FBLN5: variants seen among roughly 807,000 people sequenced by gnomAD.
FBLN5 encodes the protein fibulin 5, also known as fibulin-5.
FBLN5 carries 24 observed loss-of-function variants against 61.6 expected under a neutral mutation model. That is an observed-to-expected ratio of 0.39 (90% CI 0.28 to 0.55). The LOEUF (loss-of-function observed/expected upper bound fraction) is 0.55, where lower values mean the gene tolerates loss of function less well. Among genes scored for constraint, FBLN5 ranks in the 20% least tolerant of loss-of-function variants. FBLN5 has a pLI of 0.65. For missense variants in FBLN5, 470 were observed against 594.1 expected (o/e 0.79, Z 2.17); for synonymous variants, 213 against 219.8 (o/e 0.97, Z 0.27).
chr14:91,872,074 TG>T (rs1214081173), intron 10 of FBLN5, among the ~76,000 whole-genome samples: 15 of 151,984 alleles, frequency 9.9e-5, no homozygotes, highest in Admixed American at 6.5e-5. Context: ...AGGACCCAGG[TG>T]GGGGGGCCCT....
intron 1 of FBLN5, chr14:91,946,707 T>C (rs1286851683): frequency 6.5e-7 from 1 of 1,534,506 alleles, no homozygotes; most frequent in Non-Finnish European, 8.7e-7. Flanking sequence ...AAACATTTGC[T>C]TACATGTATC....
rs1410901256 is a variant in FBLN5 at position 91,882,031 on chromosome 14, C to T, written c.863-613G>A. On this transcript the variant is annotated intron_variant, in intron 8 of 10. Transcript: ENST00000342058. The surrounding 1 kb of genome is among the most constrained non-coding windows in gnomAD (Gnocchi z 4.9). ...AATTAGCCCGGCATGGTGGCATGTG[C>T]CTGTAGTCCCAGCTACTTGGGAGGC... is the stretch of plus-strand genomic sequence containing the variant. Among the ~76,000 whole-genome samples the T allele has an allele frequency of 1.3e-5, 2 of 151,300 alleles. No individual in the cohort carries two copies. Among genetic ancestry groups the T allele is most frequent in the Non-Finnish European group, 2.9e-5 (2 of 67,816 alleles).
intron 10 of FBLN5, among the ~76,000 whole-genome samples, chr14:91,876,670 C>T (rs1889177303): frequency 6.6e-6 from 1 of 151,992 alleles, no homozygotes; most frequent in Admixed American, 6.6e-5. Context: ...TGCTGGCGGC[C>T]CCCGGAAGCT....
chr14:91,903,790 T>C (rs1264253683), intron 4 of FBLN5, among the ~76,000 whole-genome samples: 1 of 152,214 alleles, frequency 6.6e-6, no homozygotes, highest in Non-Finnish European at 1.5e-5. Context: ...GCAGTTCTTC[T>C]GAAAATCTTG....
chr14:91,891,807 A>C (rs1324328289), intron 5 of FBLN5, among the ~76,000 whole-genome samples: 1 of 152,168 alleles, frequency 6.6e-6, no homozygotes, highest in Non-Finnish European at 1.5e-5. Flanking sequence ...TCTTCTTAAC[A>C]CGTAAGAAGA....
At chr14:91,904,594 C>T (rs1346807767) in intron 4 of FBLN5, among the ~76,000 whole-genome samples, 1 of 152,224 alleles carries the variant, frequency 6.6e-6, no homozygotes, top group Non-Finnish European at 1.5e-5. Flanking sequence ...TCTCCCAGTT[C>T]TCGAGGCTGG....
chr14:91,946,770 CACAA>C (rs1275506527), intron 1 of FBLN5: 5 of 1,535,972 alleles, frequency 3.3e-6, no homozygotes, highest in Admixed American at 3.9e-5. Flanking sequence ...GAGAATCCCA[CACAA>C]ACATAGAGCA....
rs60216411 is a variant in FBLN5, at chr14:91,895,797, C to CAAAA, written c.380-729_380-726dup. Among the ~76,000 whole-genome samples, 308 of 63,382 alleles carry CAAAA rather than the reference C, an allele frequency of 4.9e-3. 6 individuals are homozygous for CAAAA. Among genetic ancestry groups the CAAAA allele is most frequent in the African/African-American group, 9.5e-3 (135 of 14,202 alleles). 41.6% of individuals were successfully genotyped at this position (63,382 alleles called of 152,430 possible). On this transcript the variant is annotated intron_variant, in intron 4 of 10. Transcript: ENST00000342058. ...TGGGAGACAGAGTGAGACCCTGTCTCAAAAAAAAAAAAAAAAAAAAAAAAA... is the reference window on the plus strand; with the variant it reads ...TGGGAGACAGAGTGAGACCCTGTCTCAAAAAAAAAAAAAAAAAAAAAAAAAAAAA...
chr14:91,908,447 T>C (rs972153907), intron 4 of FBLN5, among the ~76,000 whole-genome samples: 1 of 152,216 alleles, frequency 6.6e-6, no homozygotes, highest in East Asian at 1.9e-4. Flanking sequence ...GTTTGGGGAC[T>C]TCTCAAAGGT....
intron 10 of FBLN5, 131 bp from the exon 11 acceptor site, chr14:91,870,516 T>C (rs1486154277): frequency 1.2e-6 from 1 of 865,240 alleles, no homozygotes; most frequent in Admixed American, 1.9e-5. Flanking sequence ...CCATGCTCTT[T>C]CCCTGGCTTT....
intron 5 of FBLN5, among the ~76,000 whole-genome samples, 156 bp downstream of exon 5, chr14:91,894,794 T>C (rs1890151020): frequency 6.6e-6 from 1 of 152,144 alleles, no homozygotes; most frequent in South Asian, 2.1e-4. Context: ...TCAAGGGTGG[T>C]TACACATGTG....
At chr14:91,914,121 T>C (rs1166175261) in intron 4 of FBLN5, among the ~76,000 whole-genome samples, 1 of 152,168 alleles carries the variant, frequency 6.6e-6, no homozygotes, top group Non-Finnish European at 1.5e-5. Context: ...GGCAGGCAGA[T>C]CACTTGAGCT....
At chr14:91,883,645 T>A (rs866046839) in intron 7 of FBLN5, among the ~76,000 whole-genome samples, 85 of 80,024 alleles carry the variant, frequency 1.1e-3, no homozygotes, top group Non-Finnish European at 1.1e-3. Flanking sequence ...CTTCACTGTG[T>A]AAAAAAAAAA....
Position 91,947,041 on chromosome 14 carries a change from A to G in FBLN5, c.17+172T>C. The G allele has an allele frequency of 6.5e-7, 1 of 1,535,026 alleles. No homozygotes were observed. Among genetic ancestry groups the G allele is most frequent in the Admixed American group, 2.1e-5 (1 of 48,434 alleles). ...TCCCAAAAGAACGCTTCAAGATGGA[A>G]ATTACAGAGGCGCAGCTTTTTATAA... On this transcript the variant is annotated intron_variant, in intron 1 of 10. Coordinates refer to ENST00000342058, the MANE Select transcript of FBLN5 (RefSeq NM_006329.4). This position sits in a 1 kb window ranked among gnomAD's most constrained non-coding sequence, Gnocchi z 4.3.
At chr14:91,909,395 T>A (rs1890824757) in intron 4 of FBLN5, among the ~76,000 whole-genome samples, 1 of 152,188 alleles carries the variant, frequency 6.6e-6, no homozygotes, top group Non-Finnish European at 1.5e-5. Flanking sequence ...ACCCAGTCAC[T>A]CACCTCATAA....
intron 9 of FBLN5, among the ~76,000 whole-genome samples, chr14:91,880,388 C>A (rs1340041486): frequency 6.6e-6 from 1 of 152,178 alleles, no homozygotes; most frequent in Non-Finnish European, 1.5e-5. Flanking sequence ...CCCCATGTAT[C>A]CAGAACAAAG....
chr14:91,943,665 G>A lies in FBLN5; in HGVS notation c.18-704C>T, dbSNP rs1052489552. On this transcript the variant is annotated intron_variant, in intron 1 of 10. Coordinates refer to ENST00000342058, the MANE Select transcript of FBLN5 (RefSeq NM_006329.4). This position sits in a 1 kb window ranked among gnomAD's most constrained non-coding sequence, Gnocchi z 4.0. ...ATCATCATGCCCTCAAACAGTGAAAGGAAAAGAAAGTGAGAATGTGAGGCA... is the reference window on the plus strand; with the variant it reads ...ATCATCATGCCCTCAAACAGTGAAAAGAAAAGAAAGTGAGAATGTGAGGCA... 3.3e-5 allele frequency among the ~76,000 whole-genome samples: 5 copies of A among 152,172 alleles called. No individual in the cohort carries two copies. The highest frequency in any genetic ancestry group is 4.8e-5 in the African/African-American group (2 of 41,440).
intron 4 of FBLN5, among the ~76,000 whole-genome samples, chr14:91,919,419 A>G (rs1464693318): frequency 2.0e-5 from 3 of 150,942 alleles, no homozygotes; most frequent in Non-Finnish European, 1.5e-5. Context: ...GGAAGGAAGG[A>G]AGGAAGGAAG....
At chr14:91,879,835 G>A (rs1467927353) in intron 9 of FBLN5, among the ~76,000 whole-genome samples, 8 of 152,204 alleles carry the variant, frequency 5.3e-5, no homozygotes, top group African/African-American at 1.2e-4. Context: ...GCTGTATTCC[G>A]AGAGGGCAGG....
Sources: allele counts gnomAD v4.1 joint callset (sites outside exome capture counted in the v4.1 genomes callset), GRCh38; gene constraint gnomAD v4.1.1; non-coding constraint Gnocchi (gnomAD v3.1); transcripts MANE v1.5; gene names NCBI Gene and HGNC (gene_info 2026-07-23, HGNC 2026-07-21).